Variants in SPSB1 observed in about 807,000 individuals in gnomAD.
SPSB1 encodes splA/ryanodine receptor domain and SOCS box containing 1, also known as SPRY domain-containing SOCS box protein 1.
SPSB1 carries 8 observed loss-of-function variants against 21.2 expected under a neutral mutation model. The ratio of observed to expected loss-of-function variants is 0.38; its 90% CI spans 0.22 to 0.68. The LOEUF (loss-of-function observed/expected upper bound fraction) is 0.68, where lower values mean the gene tolerates loss of function less well. Ranked by LOEUF, SPSB1 falls within the 30% of genes least tolerant of loss-of-function variation. SPSB1 has a pLI of 0.53. For synonymous variants in SPSB1, 169 were observed against 161.7 expected (o/e 1.05, Z -0.34); for missense variants, 242 against 377.8 (o/e 0.64, Z 2.98).
intron 1 of SPSB1, among the ~76,000 whole-genome samples, chr1:9,295,805 G>T (rs1639214596): frequency 6.6e-6 from 1 of 152,146 alleles, no homozygotes; most frequent in Admixed American, 6.5e-5. Flanking sequence ...TCATGAGTTC[G>T]TCTGGGCATT....
intron 1 of SPSB1, among the ~76,000 whole-genome samples, chr1:9,333,348 T>TA (rs1355086596): frequency 9.1e-6 from 1 of 109,706 alleles, no homozygotes; most frequent in East Asian, 2.3e-4. Flanking sequence ...TTTTTTTTTT[T>TA]AAGGCAGAGT....
At position 9,367,555 on chromosome 1, in the gene SPSB1, G is replaced by A. The variant is rs760410185; in HGVS notation, c.802G>A (p.Ala268Thr). 6.2e-7 allele frequency: 1 copy of A among 1,611,618 alleles called. No individual in the cohort carries two copies. Among genetic ancestry groups the A allele is most frequent in the Non-Finnish European group, 8.5e-7 (1 of 1,178,700 alleles). Residue 268 changes from alanine to threonine, a missense_variant, in exon 3 of 3, where the codon GCC (alanine) becomes ACC (threonine). Ala to Thr is a moderately conservative substitution (Grantham distance 58). Coordinates refer to ENST00000328089, the MANE Select transcript of SPSB1 (RefSeq NM_025106.4). This position sits in a 1 kb window ranked among gnomAD's most constrained non-coding sequence, Gnocchi z 5.9. Reference sequence around the variant, plus strand: ...GCTGCCGCTGCCGGCTTCCCTCAAGGCCTACCTCCTCTACCAGTGACGTTC... The same window carrying A: ...GCTGCCGCTGCCGGCTTCCCTCAAGACCTACCTCCTCTACCAGTGACGTTC... The part of the protein sequence containing the change: ...HTLPLPASLK[A>T]YLLYQ
intron 1 of SPSB1, among the ~76,000 whole-genome samples, chr1:9,304,245 C>A (rs931553081): frequency 6.6e-6 from 1 of 152,162 alleles, no homozygotes; most frequent in South Asian, 2.1e-4. Flanking sequence ...CTGAGAATGA[C>A]CCCATTGGTC....
chr1:9,351,215 C>G (rs775143583), intron 1 of SPSB1, among the ~76,000 whole-genome samples: 1 of 152,170 alleles, frequency 6.6e-6, no homozygotes, highest in African/African-American at 2.4e-5. Context: ...CTATCTGGCC[C>G]CTGATGGAAG....
intron 1 of SPSB1, among the ~76,000 whole-genome samples, chr1:9,327,023 T>C (rs1016385673): frequency 6.6e-6 from 1 of 152,158 alleles, no homozygotes; most frequent in Non-Finnish European, 1.5e-5. Context: ...CCTGGGGGTC[T>C]TGGCTTAGGG....
intron 1 of SPSB1, among the ~76,000 whole-genome samples, chr1:9,315,240 A>G (rs910127988): frequency 1.2e-4 from 19 of 152,176 alleles, no homozygotes; most frequent in Non-Finnish European, 1.3e-4. Context: ...AGGGCTGGGA[A>G]CCAGCTCAGC....
chr1:9,308,855 G>C (rs1470296609), intron 1 of SPSB1, among the ~76,000 whole-genome samples: 2 of 152,144 alleles, frequency 1.3e-5, no homozygotes, highest in African/African-American at 2.4e-5. Flanking sequence ...TGCCAGTCCT[G>C]TTGATTGGGC....
chr1:9,352,954 G>A (rs1028660737), intron 1 of SPSB1, among the ~76,000 whole-genome samples: 2 of 144,514 alleles, frequency 1.4e-5, no homozygotes, highest in Admixed American at 6.9e-5. Context: ...ACAGTTGAGC[G>A]GCAGGGGGGC....
In SPSB1 at chr1:9,356,157, G is replaced by A. The variant is rs1204353162; in HGVS notation, c.266G>A (p.Gly89Asp). The A allele has an allele frequency of 6.3e-7, 1 of 1,586,858 alleles. No individual in the cohort carries two copies. The highest frequency in any genetic ancestry group is 8.6e-7 in the Non-Finnish European group (1 of 1,163,142). Residue 89 changes from glycine (G) to aspartate (D), a missense_variant, in exon 2 of 3, where the codon GGC becomes GAC. Coordinates refer to ENST00000328089, the MANE Select transcript of SPSB1 (RefSeq NM_025106.4). This position sits in a 1 kb window ranked among gnomAD's most constrained non-coding sequence, Gnocchi z 7.4. ...PVAQSTDAIR[G>D]KVGYTRGLHV... ...GCCCAGAGCACGGACGCTATCAGGG[G>A]CAAAGTCGGGTATACCCGTGGGCTG...
chr1:9,350,611 C>A (rs767920469), intron 1 of SPSB1, among the ~76,000 whole-genome samples: 1 of 152,140 alleles, frequency 6.6e-6, no homozygotes, highest in African/African-American at 2.4e-5. Flanking sequence ...TGCGTGCATG[C>A]GTGTGTGTGG....
At position 9,355,972 on chromosome 1, in the gene SPSB1, G is replaced by C; in HGVS notation, c.81G>C (p.Gln27His). ...ACAGGCCCCTGAAGCAGGAGCTCCA[G>C]GGTCTGGATTACTGCAAGCCCACCC... The part of the protein sequence containing the change: ...PTYRPLKQEL[Q>H]GLDYCKPTRL... The change falls in exon 2 of 3, where the codon CAG (glutamine) becomes CAC (histidine). Residue 27 changes from glutamine to histidine, a missense_variant. Transcript: ENST00000328089. The C allele has an allele frequency of 6.2e-7, 1 of 1,614,050 alleles. No homozygotes were observed. The highest frequency in any genetic ancestry group is 1.7e-5 in the Admixed American group (1 of 60,024).
At chr1:9,333,624 C>T (rs954916833) in intron 1 of SPSB1, among the ~76,000 whole-genome samples, 2 of 152,228 alleles carry the variant, frequency 1.3e-5, no homozygotes, top group Non-Finnish European at 2.9e-5. Flanking sequence ...AGCCACCATG[C>T]CCGCCCTCCT....
chr1:9,339,948 C>G (rs1640062622), intron 1 of SPSB1, among the ~76,000 whole-genome samples: 1 of 152,178 alleles, frequency 6.6e-6, no homozygotes, highest in Non-Finnish European at 1.5e-5. Flanking sequence ...CCTTTTCCTT[C>G]TGATGTGTGT....
At chr1:9,337,112 A>G (rs1204099075) in intron 1 of SPSB1, among the ~76,000 whole-genome samples, 1 of 152,070 alleles carries the variant, frequency 6.6e-6, no homozygotes, top group Non-Finnish European at 1.5e-5. Context: ...CCCAATGAGA[A>G]GAGATGACAA....
In SPSB1 at chr1:9,317,784, G is replaced by A. The variant is rs1639638519; in HGVS notation, c.-150+24713G>A. Among the ~76,000 whole-genome samples the A allele has an allele frequency of 6.6e-6, 1 of 151,776 alleles. No homozygotes were observed. The highest frequency in any genetic ancestry group is 2.1e-4 in the South Asian group (1 of 4,806). ...AGGCGTGAGTCACCGTGCCTGGCCA[G>A]AAAAGACAGTTTCAGAGCCTTATGT... On this transcript the variant is annotated intron_variant, in intron 1 of 2. Transcript: ENST00000328089. The surrounding 1 kb of genome is among the most constrained non-coding windows in gnomAD (Gnocchi z 4.3).
intron 2 of SPSB1, among the ~76,000 whole-genome samples, chr1:9,360,777 G>A (rs145778199): frequency 8.5e-5 from 13 of 152,328 alleles, no homozygotes; most frequent in East Asian, 1.9e-4. Flanking sequence ...AAGTACATCC[G>A]CAAGGCCCTG....
intron 1 of SPSB1, among the ~76,000 whole-genome samples, chr1:9,306,167 C>G (rs1169134678): frequency 6.6e-6 from 1 of 152,192 alleles, no homozygotes; most frequent in Non-Finnish European, 1.5e-5. Context: ...AGGGCAGGGA[C>G]TGAGGGCACC....
At chr1:9,296,818 G>A (rs1442522382) in intron 1 of SPSB1, among the ~76,000 whole-genome samples, 1 of 152,232 alleles carries the variant, frequency 6.6e-6, no homozygotes, top group Admixed American at 6.5e-5. Flanking sequence ...TTGGACAAAG[G>A]GAGGATGGCA....
In SPSB1 at chr1:9,305,249, G is replaced by A. The variant is rs761214097; in HGVS notation, c.-150+12178G>A. Among the ~76,000 whole-genome samples the A allele has an allele frequency of 1.4e-3, 218 of 152,192 alleles. No homozygotes were observed. The highest frequency in any genetic ancestry group is 2.6e-3 in the Non-Finnish European group (180 of 68,004). Reference sequence around the variant, plus strand: ...CCTACCGGCTGGCCCATACCCTCTCGCTTCACTTTCCAAAACCGGATCCCC... The same window carrying A: ...CCTACCGGCTGGCCCATACCCTCTCACTTCACTTTCCAAAACCGGATCCCC... On this transcript the variant is annotated intron_variant, in intron 1 of 2. Coordinates refer to ENST00000328089, the MANE Select transcript of SPSB1 (RefSeq NM_025106.4). The surrounding 1 kb of genome is among the most constrained non-coding windows in gnomAD (Gnocchi z 4.8).
Sources: allele counts gnomAD v4.1 joint callset (sites outside exome capture counted in the v4.1 genomes callset), GRCh38; gene constraint gnomAD v4.1.1; non-coding constraint Gnocchi (gnomAD v3.1); transcripts MANE v1.5; gene names NCBI Gene and HGNC (gene_info 2026-07-23, HGNC 2026-07-21).